Variants in SLIT3 observed in about 807,000 individuals in gnomAD.
SLIT3 encodes slit guidance ligand 3, also known as slit homolog 3 protein.
SLIT3 carries 68 observed loss-of-function variants against 184.0 expected under a neutral mutation model. The ratio of observed to expected loss-of-function variants is 0.37; its 90% CI spans 0.30 to 0.45. SLIT3 has a LOEUF of 0.45. Among genes scored for constraint, SLIT3 ranks in the 20% least tolerant of loss-of-function variants. The pLI, the probability that SLIT3 is intolerant of heterozygous loss-of-function variation, is 1.00. For missense variants in SLIT3, 1,707 were observed against 2,026.0 expected (o/e 0.84, Z 3.02); for synonymous variants, 831 against 828.6 (o/e 1.00, Z -0.05).
intron 3 of SLIT3, among the ~76,000 whole-genome samples, chr5:169,218,776 A>G (rs1039514630): frequency 2.6e-5 from 4 of 152,218 alleles, no homozygotes; most frequent in African/African-American, 4.8e-5. Context: ...CATGCTACCC[A>G]TGGTTGTTAA....
chr5:169,063,666 C>A (rs578218070), intron 4 of SLIT3, among the ~76,000 whole-genome samples: 1 of 152,270 alleles, frequency 6.6e-6, no homozygotes, highest in East Asian at 1.9e-4. Context: ...ATGCGGACAC[C>A]ATAAATCAGG....
intron 4 of SLIT3, among the ~76,000 whole-genome samples, chr5:169,033,122 C>T (rs1757099559): frequency 6.6e-6 from 1 of 151,720 alleles, no homozygotes; most frequent in Admixed American, 6.6e-5. Flanking sequence ...GCCTGGTAAT[C>T]ACTGTTTTGT....
At chr5:168,746,321 TATGTGGTGTGTGA>T (rs1404026151) in intron 20 of SLIT3, among the ~76,000 whole-genome samples, 30 of 114,836 alleles carry the variant, frequency 2.6e-4, no homozygotes, top group African/African-American at 9.6e-4. Flanking sequence ...GGTGTGGTGG[TATGTGGTGTGTGA>T]GTGTGGTGGT....
chr5:168,713,136 A>G (rs1762612891), intron 23 of SLIT3, among the ~76,000 whole-genome samples: 1 of 152,122 alleles, frequency 6.6e-6, no homozygotes, highest in Non-Finnish European at 1.5e-5. Context: ...GGAGCCGAAC[A>G]CTCATTGTTA....
intron 4 of SLIT3, among the ~76,000 whole-genome samples, chr5:169,105,291 T>A (rs1760162924): frequency 6.6e-6 from 1 of 152,208 alleles, no homozygotes; most frequent in Admixed American, 6.5e-5. Flanking sequence ...ATTTAACCTC[T>A]CTCCAAAGAA....
At position 168,664,865 on chromosome 5, in the gene SLIT3, A is replaced by C. The variant is rs977275813; in HGVS notation, c.*1589T>G. ...CAGGGGCAGGGAAGTCCCCTTCAGG[A>C]ATGGAGGCAGAGGCTGGATAGGCTG... On this transcript the variant is annotated 3_prime_UTR_variant, in exon 36 of 36. Coordinates refer to ENST00000519560, the MANE Select transcript of SLIT3 (RefSeq NM_003062.4). 1 of 152,252 alleles carries C rather than the reference A, an allele frequency of 6.6e-6. No homozygotes were observed. Among genetic ancestry groups the C allele is most frequent in the Admixed American group, 6.5e-5 (1 of 15,276 alleles). The allele number at this position is 152,252 out of a possible 1,614,324, so 9.4% of individuals were successfully genotyped here.
chr5:169,069,612 G>T (rs1242136375), intron 4 of SLIT3, among the ~76,000 whole-genome samples: 5 of 152,150 alleles, frequency 3.3e-5, no homozygotes, highest in African/African-American at 9.7e-5. Flanking sequence ...CTCTATGTGC[G>T]GTAAGGTTAT....
chr5:168,836,986 C>T (rs1429579974), intron 6 of SLIT3, among the ~76,000 whole-genome samples: 1 of 152,018 alleles, frequency 6.6e-6, no homozygotes, highest in Non-Finnish European at 1.5e-5. Flanking sequence ...GTAATTTTTA[C>T]TTTTTCCTTA....
At chr5:169,066,520 A>G (rs765998699) in intron 4 of SLIT3, among the ~76,000 whole-genome samples, 2 of 152,236 alleles carry the variant, frequency 1.3e-5, no homozygotes, top group Non-Finnish European at 2.9e-5. Context: ...GAAAATAATT[A>G]ATGATAACAA....
intron 5 of SLIT3, among the ~76,000 whole-genome samples, chr5:168,877,502 A>G (rs1759776977): frequency 6.6e-6 from 1 of 152,128 alleles, no homozygotes; most frequent in African/African-American, 2.4e-5. Context: ...GACAAAACAA[A>G]TGGCTGCTGA....
At chr5:168,685,641 T>C (rs1393174215) in intron 31 of SLIT3, 46 bp downstream of exon 31, 1 of 1,505,038 alleles carries the variant, frequency 6.6e-7, no homozygotes, top group South Asian at 1.4e-5. Flanking sequence ...TCAGAGCTTG[T>C]GGGCATGTTG....
intron 2 of SLIT3, among the ~76,000 whole-genome samples, chr5:169,250,516 T>C (rs1765737939): frequency 6.6e-6 from 1 of 152,210 alleles, no homozygotes; most frequent in South Asian, 2.1e-4. Context: ...AGCCTGGTAC[T>C]TTCTGAACCA....
intron 11 of SLIT3, 138 bp from the exon 12 acceptor site, chr5:168,786,116 T>C: frequency 1.6e-6 from 1 of 629,400 alleles, no homozygotes; most frequent in Admixed American, 2.7e-5. Context: ...CCTAATCCCT[T>C]CTCATCAGCG....
At chr5:168,852,421 A>G (rs1758713786) in intron 5 of SLIT3, among the ~76,000 whole-genome samples, 1 of 152,212 alleles carries the variant, frequency 6.6e-6, no homozygotes. Flanking sequence ...TATGACCACT[A>G]AGCAAGAGCC....
chr5:169,073,101 C>T (rs1309601669), intron 4 of SLIT3, among the ~76,000 whole-genome samples: 1 of 152,182 alleles, frequency 6.6e-6, no homozygotes, highest in Non-Finnish European at 1.5e-5. Flanking sequence ...CTTCAGGTCC[C>T]TTGTGATGCT....
At chr5:168,841,057 A>T (rs942224638) in intron 6 of SLIT3, among the ~76,000 whole-genome samples, 1 of 152,176 alleles carries the variant, frequency 6.6e-6, no homozygotes, top group African/African-American at 2.4e-5. Context: ...ATTGTGAGTC[A>T]TTGCTAGTTT....
chr5:169,130,751 T>C (rs1581439816), intron 4 of SLIT3, among the ~76,000 whole-genome samples: 1 of 151,862 alleles, frequency 6.6e-6, no homozygotes, highest in African/African-American at 2.4e-5. Flanking sequence ...ATCTGAAACA[T>C]GAGGGAAGGA....
At chr5:168,680,524 C>T (rs750855502) in intron 32 of SLIT3, among the ~76,000 whole-genome samples, 1 of 152,256 alleles carries the variant, frequency 6.6e-6, no homozygotes, top group African/African-American at 2.4e-5. Context: ...TGGTGGCTGC[C>T]AACTCCCCCA....
intron 4 of SLIT3, among the ~76,000 whole-genome samples, chr5:169,059,229 G>A (rs1168419265): frequency 6.6e-6 from 1 of 152,142 alleles, no homozygotes; most frequent in Non-Finnish European, 1.5e-5. Flanking sequence ...AGACCACAGA[G>A]ATTCTATGGA....
Sources: allele counts gnomAD v4.1 joint callset (sites outside exome capture counted in the v4.1 genomes callset), GRCh38; gene constraint gnomAD v4.1.1; transcripts MANE v1.5; gene names NCBI Gene and HGNC (gene_info 2026-07-23, HGNC 2026-07-21).